The following MAGI2 variants were observed in gnomAD, a reference collection of about 807,000 sequenced individuals.
MAGI2 encodes the protein membrane associated guanylate kinase, WW and PDZ domain containing 2.
A neutral mutation model predicts 133.3 loss-of-function variants in MAGI2; 35 were observed. The ratio of observed to expected loss-of-function variants is 0.26; its 90% confidence interval spans 0.20 to 0.35. MAGI2 has a LOEUF of 0.35. Ranked by LOEUF, MAGI2 falls within the 10% of genes least tolerant of loss-of-function variation. The pLI, the probability that MAGI2 is intolerant of heterozygous loss-of-function variation, is 1.00. For missense variants in MAGI2, 1,636 were observed against 1,863.4 expected (o/e 0.88, Z 2.25); for synonymous variants, 729 against 710.6 (o/e 1.03, Z -0.41).
intron 6 of MAGI2, among the ~76,000 whole-genome samples, chr7:78,394,498 T>C (rs1226404865): frequency 6.6e-6 from 1 of 152,162 alleles, no homozygotes; most frequent in Non-Finnish European, 1.5e-5. Flanking sequence ...TCCTGGCTTT[T>C]ACACATGTTG....
At chr7:78,092,780 C>T (rs375712971) in intron 20 of MAGI2, among the ~76,000 whole-genome samples, 18,789 of 151,986 alleles carry the variant, frequency 0.12, 1,385 homozygotes, top group South Asian at 0.19. Flanking sequence ...ACATACATCC[C>T]TTGGATAATC....
At chr7:78,859,503 T>C (rs1177352227) in intron 2 of MAGI2, among the ~76,000 whole-genome samples, 1 of 152,204 alleles carries the variant, frequency 6.6e-6, no homozygotes, top group Non-Finnish European at 1.5e-5. Flanking sequence ...TTATGAAGCT[T>C]AGTTTGACTG....
At chr7:78,365,029 G>A (rs1267476081) in intron 7 of MAGI2, among the ~76,000 whole-genome samples, 1 of 152,172 alleles carries the variant, frequency 6.6e-6, no homozygotes, top group Non-Finnish European at 1.5e-5. Flanking sequence ...AAGATGTTGA[G>A]TAGGGCCCAT....
At chr7:78,512,118 G>A (rs1165876953) in intron 4 of MAGI2, among the ~76,000 whole-genome samples, 4 of 145,614 alleles carry the variant, frequency 2.7e-5, no homozygotes, top group Admixed American at 1.4e-4. Flanking sequence ...GCGAGACTTC[G>A]TCTCAAAAAA....
chr7:78,227,025 G>T (rs933125549), intron 10 of MAGI2, among the ~76,000 whole-genome samples: 1 of 152,152 alleles, frequency 6.6e-6, no homozygotes, highest in Non-Finnish European at 1.5e-5. Flanking sequence ...TAAAAAGAGA[G>T]ACTTAAAAGA....
rs545345506 is a variant in MAGI2, at chr7:78,334,693, T to C, written c.1408+9085A>G. ...GAGAAAGGAATCTTCTTGCTACTAC[T>C]ACAGGCAGTCGTAGCCCAGGCATAT... On this transcript the variant is annotated intron_variant, in intron 9 of 21. Transcript: ENST00000354212. Among the ~76,000 whole-genome samples, 13 of 152,298 alleles carry C rather than the reference T, an allele frequency of 8.5e-5. 1 individual carries two copies. The highest frequency in any genetic ancestry group is 6.8e-3 in the Middle Eastern group (2 of 294).
intron 16 of MAGI2, among the ~76,000 whole-genome samples, chr7:78,148,598 G>C (rs753857783): frequency 7.9e-5 from 12 of 152,304 alleles, no homozygotes; most frequent in Middle Eastern, 3.4e-3. Flanking sequence ...GAGGTGAGCA[G>C]GGGAAAGTGT....
intron 9 of MAGI2, among the ~76,000 whole-genome samples, chr7:78,276,062 A>G (rs931984924): frequency 2.6e-5 from 4 of 152,164 alleles, no homozygotes; most frequent in African/African-American, 9.7e-5. Context: ...CTCATATTTC[A>G]TCTCCCTAAT....
Position 78,557,097 on chromosome 7 carries a change from A to AG in MAGI2, c.539-35453_539-35452insC, listed in dbSNP as rs751005515. On this transcript the variant is annotated intron_variant, in intron 3 of 21. Transcript: ENST00000354212. The stretch of plus-strand genomic sequence containing the variant: ...CAGAGTCTCAAAAAAAAAAAAAAAA[A>AG]AAAGAAAAAGAAAAAAAAAGAATTT... 4.1e-3 allele frequency among the ~76,000 whole-genome samples: 575 copies of AG among 138,992 alleles called. 18 individuals carry two copies. Among genetic ancestry groups the AG allele is most frequent in the African/African-American group, 0.016 (537 of 33,612 alleles). The allele number at this position is 138,992 out of a possible 152,430, so 91.2% of individuals were successfully genotyped here. A position where few individuals can be genotyped will look rare whatever the true frequency, so the allele number is the denominator to read the frequency against.
chr7:78,267,993 GCCC>G (rs1302386888), intron 9 of MAGI2, among the ~76,000 whole-genome samples: 2 of 152,058 alleles, frequency 1.3e-5, no homozygotes, highest in Admixed American at 1.3e-4. Flanking sequence ...ATTTTAAGTT[GCCC>G]CCTCCCTCTG....
intron 1 of MAGI2, among the ~76,000 whole-genome samples, chr7:79,439,963 C>T (rs1239100883): frequency 6.6e-6 from 1 of 152,108 alleles, no homozygotes; most frequent in African/African-American, 2.4e-5. Context: ...TGGCCATCCA[C>T]TCCCCTGAAA....
At chr7:78,130,991 C>A (rs957253573) in intron 18 of MAGI2, among the ~76,000 whole-genome samples, 1 of 152,160 alleles carries the variant, frequency 6.6e-6, no homozygotes, top group African/African-American at 2.4e-5. Flanking sequence ...CTCACCCACT[C>A]AAGGCTGGGA....
In MAGI2 at chr7:78,185,610, A is replaced by C. The variant is rs202172630; in HGVS notation, c.2311+19T>G. On this transcript the variant is annotated intron_variant, in intron 13 of 21. Coordinates refer to ENST00000354212, the MANE Select transcript of MAGI2 (RefSeq NM_012301.4). ...AAGACGTTTTGTTCACAGAACTGTG[A>C]GTACTGAACAATACTTGCCAGAGGA... The C allele has an allele frequency of 3.8e-5, 59 of 1,557,996 alleles. No individual in the cohort carries two copies. In the African/African-American group the frequency reaches 6.6e-4, roughly 17 times the overall value.
chr7:79,206,373 GA>G (rs1001393003), intron 1 of MAGI2, among the ~76,000 whole-genome samples: 6 of 151,226 alleles, frequency 4.0e-5, no homozygotes, highest in African/African-American at 1.5e-4. Context: ...AATAAAATCA[GA>G]AATAAAAAAG....
chr7:79,356,543 C>T (rs780557197), intron 1 of MAGI2, among the ~76,000 whole-genome samples: 2 of 152,088 alleles, frequency 1.3e-5, no homozygotes, highest in African/African-American at 4.8e-5. Flanking sequence ...TGATCTTGAT[C>T]TTAGAATGTT....
Position 79,330,518 on chromosome 7 carries a change from C to T in MAGI2, c.301+122502G>A, listed in dbSNP as rs114555903. Among the ~76,000 whole-genome samples, 1,038 of 152,156 alleles carry T rather than the reference C, an allele frequency of 6.8e-3. 7 individuals are homozygous for T. The highest frequency in any genetic ancestry group is 0.023 in the African/African-American group (973 of 41,508). On this transcript the variant is annotated intron_variant, in intron 1 of 21. Coordinates refer to ENST00000354212, the MANE Select transcript of MAGI2 (RefSeq NM_012301.4). ...CCCAAATAATCTGCATCTTATTCCT[C>T]CTTAAAAGAGAGAGTCACTTTATAC...
intron 1 of MAGI2, among the ~76,000 whole-genome samples, chr7:79,299,326 G>C (rs180821830): frequency 6.6e-6 from 1 of 151,978 alleles, no homozygotes; most frequent in Non-Finnish European, 1.5e-5. Flanking sequence ...GGATAGGCAG[G>C]GGGTGACATA....
At chr7:79,046,019 G>A (rs1248871883) in intron 1 of MAGI2, among the ~76,000 whole-genome samples, 1 of 152,156 alleles carries the variant, frequency 6.6e-6, no homozygotes, top group Non-Finnish European at 1.5e-5. Flanking sequence ...GGAAAAATTT[G>A]AGTGAGGGAT....
intron 1 of MAGI2, among the ~76,000 whole-genome samples, chr7:79,318,710 A>G (rs760114572): frequency 2.3e-4 from 35 of 152,174 alleles, no homozygotes; most frequent in Non-Finnish European, 2.5e-4. Context: ...TTAGTATAAT[A>G]TTTGCTTTTG....
Sources: allele counts gnomAD v4.1 joint callset (sites outside exome capture counted in the v4.1 genomes callset), GRCh38; gene constraint gnomAD v4.1.1; transcripts MANE v1.5; gene names NCBI Gene and HGNC (gene_info 2026-07-23, HGNC 2026-07-21).